VPS13C: variants seen among roughly 807,000 people sequenced by gnomAD.
The protein encoded by VPS13C is vacuolar protein sorting 13 homolog C, also known as intermembrane lipid transfer protein VPS13C.
Under a neutral mutation model 456.8 loss-of-function variants are expected in VPS13C, and 358 were observed. The observed-to-expected ratio is 0.78, with a 90% CI of 0.72 to 0.86. The LOEUF is 0.86. Ranked by LOEUF, VPS13C falls within the 40% of genes least tolerant of loss-of-function variation. The pLI, the probability that VPS13C is intolerant of heterozygous loss-of-function variation, is 0.00. For missense variants in VPS13C, 4,818 were observed against 4,385.4 expected (o/e 1.10, Z -2.79); for synonymous variants, 1,578 against 1,486.7 (o/e 1.06, Z -1.41).
chr15:61,936,853 T>C (rs1429058270), intron 47 of VPS13C, 103 bp from the exon 48 acceptor site: 3 of 1,216,046 alleles, frequency 2.5e-6, no homozygotes, highest in East Asian at 4.9e-5. Flanking sequence ...GTTCACCTAC[T>C]TAAAAAGAAG....
At position 62,028,550 on chromosome 15, in the gene VPS13C, G is replaced by A. The variant is rs562998608; in HGVS notation, c.386-130C>T. The A allele has an allele frequency of 2.7e-4, 234 of 864,794 alleles. 1 individual carries two copies. The African/African-American group carries it at 3.8e-3, about 14-fold the overall frequency. 53.6% of individuals were successfully genotyped at this position (864,794 alleles called of 1,614,324 possible). On this transcript the variant is annotated intron_variant, in intron 5 of 84. Transcript: ENST00000644861. Reference sequence around the variant, plus strand: ...CATGTAACAGGGTAATTAAAATTTGGTGACACCAAAACTATTTTATTTCTG... The same window carrying A: ...CATGTAACAGGGTAATTAAAATTTGATGACACCAAAACTATTTTATTTCTG...
intron 45 of VPS13C, among the ~76,000 whole-genome samples, chr15:61,945,169 A>C (rs544783252): frequency 9.2e-5 from 14 of 152,236 alleles, no homozygotes; most frequent in Non-Finnish European, 1.6e-4. Flanking sequence ...AGGCCTCCGC[A>C]GCTATGCGGA....
intron 5 of VPS13C, 57 bp downstream of exon 5, chr15:62,033,384 T>G (rs140719173): frequency 1.7e-6 from 2 of 1,155,480 alleles, no homozygotes; most frequent in African/African-American, 3.2e-5. Context: ...CTTTAAAGGA[T>G]ATTAATTATA....
chr15:61,976,871 T>C (rs1432862785), intron 24 of VPS13C, among the ~76,000 whole-genome samples: 1 of 152,056 alleles, frequency 6.6e-6, no homozygotes, highest in Non-Finnish European at 1.5e-5. Flanking sequence ...CATCAACTTT[T>C]ACAGAATGTA....
chr15:61,947,171 A>T (rs1460746402), intron 43 of VPS13C, 22 bp downstream of exon 43: 1 of 1,446,698 alleles, frequency 6.9e-7, no homozygotes, highest in African/African-American at 1.5e-5. Flanking sequence ...AGAAATACCT[A>T]CAACAAGAAG....
At chr15:61,976,346 TC>T (rs1452356095) in intron 24 of VPS13C, among the ~76,000 whole-genome samples, 2 of 152,040 alleles carry the variant, frequency 1.3e-5, no homozygotes, top group African/African-American at 4.8e-5. Context: ...CATGAATGAA[TC>T]TTAAATTAAT....
intron 34 of VPS13C, 74 bp from the exon 35 acceptor site, chr15:61,961,967 CA>C: frequency 6.8e-7 from 1 of 1,467,384 alleles, no homozygotes; most frequent in Non-Finnish European, 9.1e-7. Flanking sequence ...ATCTTCTTTT[CA>C]TACATGTGGT....
chr15:61,920,224 A>G lies in VPS13C; in HGVS notation c.7320T>C (p.Cys2440=). Reference sequence around the variant, plus strand: ...CAGGGAAGCCCATTACTCTGAGATTACAATTGGGCTTCACCTTAATGGGAA... The same window carrying G: ...CAGGGAAGCCCATTACTCTGAGATTGCAATTGGGCTTCACCTTAATGGGAA... ...VGVPIKVKPN[C]NLRVMGFPEK... is the part of the protein sequence containing the mutation. Residue 2440 remains cysteine (C), a synonymous_variant, in exon 57 of 85, where the codon TGT becomes TGC. Coordinates refer to ENST00000644861, the MANE Select transcript of VPS13C (RefSeq NM_020821.3). The G allele has an allele frequency of 6.2e-7, 1 of 1,613,690 alleles. No homozygotes were observed. Among genetic ancestry groups the G allele is most frequent in the Non-Finnish European group, 8.5e-7 (1 of 1,179,680 alleles).
chr15:61,963,553 C>A (rs1257056000), intron 32 of VPS13C, among the ~76,000 whole-genome samples: 1 of 152,076 alleles, frequency 6.6e-6, no homozygotes, highest in African/African-American at 2.4e-5. Flanking sequence ...CTTCTCCTAG[C>A]CCATCAATAG....
chr15:61,895,440 G>C (rs956262925), intron 66 of VPS13C, among the ~76,000 whole-genome samples: 7 of 151,808 alleles, frequency 4.6e-5, no homozygotes, highest in Non-Finnish European at 1.0e-4. Flanking sequence ...AGATAAAATG[G>C]ACAAACTTTT....
At chr15:62,026,448 C>T (rs2047642951) in intron 6 of VPS13C, among the ~76,000 whole-genome samples, 1 of 152,026 alleles carries the variant, frequency 6.6e-6, no homozygotes, top group African/African-American at 2.4e-5. Flanking sequence ...GGGAAGCTGT[C>T]GATCTCAAGT....
chr15:62,035,094 C>T, intron 3 of VPS13C, 42 bp from the exon 4 acceptor site: 1 of 1,417,246 alleles, frequency 7.1e-7, no homozygotes, highest in Non-Finnish European at 9.8e-7. Flanking sequence ...TATTTGACTG[C>T]TCAAGAACAC....
chr15:61,867,283 A>C lies in VPS13C; in HGVS notation c.10863+1376T>G. On this transcript the variant is annotated intron_variant, in intron 81 of 84. Coordinates refer to ENST00000644861, the MANE Select transcript of VPS13C (RefSeq NM_020821.3). The surrounding 1 kb of genome is among the most constrained non-coding windows in gnomAD (Gnocchi z 5.0). The stretch of plus-strand genomic sequence containing the variant: ...GCTAAAGGCTGAAAATGTATATAAC[A>C]TAATTATAAAATGGCTATCATTTAT... 1 of 984,724 alleles carries C rather than the reference A, an allele frequency of 1.0e-6. No individual in the cohort carries two copies. Among genetic ancestry groups the C allele is most frequent in the Non-Finnish European group, 1.2e-6 (1 of 829,288 alleles). 61.0% of individuals were successfully genotyped at this position (984,724 alleles called of 1,614,324 possible).
chr15:61,994,624 C>T (rs2046323662), intron 16 of VPS13C, among the ~76,000 whole-genome samples: 5 of 151,172 alleles, frequency 3.3e-5, no homozygotes, highest in Admixed American at 3.3e-4. Context: ...GATTCTCACT[C>T]TGTCACCCAG....
intron 70 of VPS13C, 23 bp downstream of exon 70, chr15:61,881,724 T>C: frequency 6.2e-7 from 1 of 1,605,866 alleles, no homozygotes; most frequent in Non-Finnish European, 8.5e-7. Flanking sequence ...GGTATATCTA[T>C]GTCACAACTT....
intron 79 of VPS13C, 72 bp from the exon 80 acceptor site, chr15:61,869,695 TG>T: frequency 3.8e-6 from 6 of 1,595,422 alleles, no homozygotes; most frequent in Admixed American, 3.4e-5. Flanking sequence ...AACCAAAACC[TG>T]GGCCAGATAC....
intron 53 of VPS13C, among the ~76,000 whole-genome samples, chr15:61,925,165 T>A (rs752655900): frequency 6.6e-6 from 1 of 151,294 alleles, no homozygotes; most frequent in Non-Finnish European, 1.5e-5. Flanking sequence ...CCACCCCATA[T>A]CTCTTCCCTC....
chr15:61,895,536 T>C (rs1391130910), intron 66 of VPS13C, among the ~76,000 whole-genome samples: 1 of 151,830 alleles, frequency 6.6e-6, no homozygotes, highest in African/African-American at 2.4e-5. Context: ...ACCAAGGAAA[T>C]ACAAAAGGAT....
At chr15:62,046,429 T>C (rs934283945) in intron 1 of VPS13C, among the ~76,000 whole-genome samples, 2 of 152,154 alleles carry the variant, frequency 1.3e-5, no homozygotes, top group Non-Finnish European at 2.9e-5. Flanking sequence ...AAGACAAATA[T>C]TCCTAGATTC....
Sources: gnomAD v4.1 joint callset for allele counts (sites outside exome capture counted in the v4.1 genomes callset) on GRCh38, gnomAD v4.1.1 for gene constraint, Gnocchi (gnomAD v3.1) non-coding constraint, MANE v1.5 for transcripts, NCBI Gene and HGNC (gene_info 2026-07-23, HGNC 2026-07-21) for gene names.